GPSM1: variants seen among roughly 807,000 people sequenced by gnomAD.
GPSM1 encodes G protein signaling modulator 1.
In GPSM1, 48 loss-of-function variants were observed where a neutral mutation model predicts 70.5. The ratio of observed to expected loss-of-function variants is 0.68; its 90% CI spans 0.54 to 0.87. The LOEUF is 0.87. GPSM1 is among the 40% of genes least tolerant of loss of function. The pLI is 0.00. For synonymous variants in GPSM1, 416 were observed against 430.1 expected, an observed-to-expected ratio of 0.97 and a Z score of 0.41; for missense variants, 981 against 972.6, an observed-to-expected ratio of 1.01 and a Z score of -0.11.
intron 11 of GPSM1, among the ~76,000 whole-genome samples, chr9:136,350,333 C>T (rs913408787): frequency 1.2e-3 from 178 of 152,228 alleles, no homozygotes; most frequent in African/African-American, 4.0e-3. Flanking sequence ...GAGGGGTGGA[C>T]GAGGCCAACA....
intron 13 of GPSM1, 122 bp from the exon 14 acceptor site, chr9:136,357,892 C>G: frequency 1.4e-6 from 1 of 722,632 alleles, no homozygotes; most frequent in East Asian, 2.9e-5. Context: ...AACCAATTTC[C>G]TGGGTGGACA....
chr9:136,329,840 C>T (rs1370975399), intron 1 of GPSM1, among the ~76,000 whole-genome samples: 1 of 150,320 alleles, frequency 6.7e-6, no homozygotes, highest in African/African-American at 2.5e-5. Flanking sequence ...GGGGACGGGG[C>T]CCTGGGTGCT....
rs1484772036 is a variant in GPSM1 at position 136,342,224 on chromosome 9, G to T, written c.1207+1231G>T. ...GGGGAGCTCTGCCGAGAGCTCCTGC[G>T]GCACCCCTAGTACCCTCCTGTGTCC... On this transcript the variant is annotated intron_variant, in intron 9 of 13. Coordinates refer to ENST00000440944, the MANE Select transcript of GPSM1 (RefSeq NM_001145638.3). This position sits in a 1 kb window ranked among gnomAD's most constrained non-coding sequence, Gnocchi z 5.5. Among the ~76,000 whole-genome samples the T allele has an allele frequency of 6.6e-6, 1 of 152,198 alleles. No homozygotes were observed. Among genetic ancestry groups the T allele is most frequent in the Non-Finnish European group, 1.5e-5 (1 of 67,992 alleles).
Position 136,340,419 on chromosome 9 carries a change from C to T in GPSM1, c.1084-451C>T, listed in dbSNP as rs1263762842. ...CTACAGCCTCCAGGGCCTTCCAGGG[C>T]TCCATGTGGCCCTCCCCCCAACCCC... On this transcript the variant is annotated intron_variant, in intron 8 of 13. Coordinates refer to ENST00000440944, the MANE Select transcript of GPSM1 (RefSeq NM_001145638.3). This position sits in a 1 kb window ranked among gnomAD's most constrained non-coding sequence, Gnocchi z 7.3. Among the ~76,000 whole-genome samples the T allele has an allele frequency of 1.3e-5, 2 of 151,978 alleles. No homozygotes were observed. Among genetic ancestry groups the T allele is most frequent in the African/African-American group, 4.8e-5 (2 of 41,382 alleles).
chr9:136,333,799 C>A (rs1237507079), intron 1 of GPSM1, among the ~76,000 whole-genome samples: 8 of 152,266 alleles, frequency 5.3e-5, no homozygotes, highest in African/African-American at 1.9e-4. Flanking sequence ...GGGTGGGGGA[C>A]CAGGAGGAGA....
rs1832939321 is a variant in GPSM1 at position 136,359,465 on chromosome 9, T to C, written c.*1245T>C. ...GCCCGAACACAGGGTCTCCAGGACG[T>C]AGCGCCCCCCCGCATACTTGAATGT... On this transcript the variant is annotated 3_prime_UTR_variant, in exon 14 of 14. Coordinates refer to ENST00000440944, the MANE Select transcript of GPSM1 (RefSeq NM_001145638.3). 1 of 152,282 alleles carries C rather than the reference T, an allele frequency of 6.6e-6. No individual in the cohort carries two copies. The highest frequency in any genetic ancestry group is 2.4e-5 in the African/African-American group (1 of 41,432). The allele number at this position is 152,282 out of a possible 1,614,324, so 9.4% of individuals were successfully genotyped here.
In GPSM1 at chr9:136,341,704, G is replaced by A; in HGVS notation, c.1207+711G>A. ...TGCCAGCCCCCGAGAAGGGATGCCT[G>A]CCTCCCAGAACGTACCTGGTGCCCC... On this transcript the variant is annotated intron_variant, in intron 9 of 13. Coordinates refer to ENST00000440944, the MANE Select transcript of GPSM1 (RefSeq NM_001145638.3). This position sits in a 1 kb window ranked among gnomAD's most constrained non-coding sequence, Gnocchi z 6.7. The A allele has an allele frequency of 1.0e-6, 1 of 992,290 alleles. No individual in the cohort carries two copies. The highest frequency in any genetic ancestry group is 4.6e-5 in the South Asian group (1 of 21,938). The allele number at this position is 992,290 out of a possible 1,614,324, so 61.5% of individuals were successfully genotyped here.
At position 136,327,640 on chromosome 9, in the gene GPSM1, G is replaced by A. The variant is rs528405359; in HGVS notation, c.-56G>A. On this transcript the variant is annotated 5_prime_UTR_variant, in exon 1 of 14. Transcript: ENST00000440944. ...GGGAGGACAGCAGGGCGGGCAGGGG[G>A]CGGACGGCCACGGCGCGGGGGGCGC... is the stretch of plus-strand genomic sequence containing the variant. The A allele has an allele frequency of 7.6e-3, 3,609 of 472,620 alleles. 119 individuals are homozygous for A. The highest frequency in any genetic ancestry group is 0.069 in the African/African-American group (3,284 of 47,708). 29.3% of individuals were successfully genotyped at this position (472,620 alleles called of 1,614,324 possible).
rs375726077 is a variant in GPSM1 at position 136,349,688 on chromosome 9, C to T, written c.1380C>T (p.Asp460=). The part of the protein sequence containing the change: ...VRSRKYQEGP[D]AERRPREGSH... Reference sequence around the variant, plus strand: ...GCAGGAAGTACCAGGAAGGCCCGGACGCTGAGAGGAGGCCCCGGGAGGGCA... The same window carrying T: ...GCAGGAAGTACCAGGAAGGCCCGGATGCTGAGAGGAGGCCCCGGGAGGGCA... The change falls in exon 11 of 14, where the codon GAC becomes GAT. Residue 460 remains aspartate, a synonymous_variant. Transcript: ENST00000440944. The T allele has an allele frequency of 1.9e-4, 292 of 1,560,234 alleles. No individual in the cohort carries two copies. Among genetic ancestry groups the T allele is most frequent in the Non-Finnish European group, 2.1e-4 (241 of 1,152,524 alleles).
At chr9:136,345,323 C>T (rs1254133149) in intron 9 of GPSM1, among the ~76,000 whole-genome samples, 11 of 152,166 alleles carry the variant, frequency 7.2e-5, no homozygotes, top group Admixed American at 3.9e-4. Flanking sequence ...CCCTCGCAGG[C>T]GGGAGAGACA....
At chr9:136,351,581 A>G (rs1832663616) in intron 11 of GPSM1, among the ~76,000 whole-genome samples, 1 of 151,952 alleles carries the variant, frequency 6.6e-6, no homozygotes, top group African/African-American at 2.4e-5. Context: ...TCACCCCAAC[A>G]AACTGCCCTG....
intron 13 of GPSM1, among the ~76,000 whole-genome samples, chr9:136,357,231 G>A (rs769787904): frequency 3.3e-5 from 5 of 152,210 alleles, no homozygotes. Context: ...CTGGGAAGGG[G>A]TTCAGGGTCC....
In GPSM1 at chr9:136,343,062, C is replaced by A. The variant is rs1425426704; in HGVS notation, c.1207+2069C>A. Among the ~76,000 whole-genome samples the A allele has an allele frequency of 6.6e-6, 1 of 152,104 alleles. No homozygotes were observed. The highest frequency in any genetic ancestry group is 1.5e-5 in the Non-Finnish European group (1 of 67,994). On this transcript the variant is annotated intron_variant, in intron 9 of 13. Transcript: ENST00000440944. The surrounding 1 kb of genome is among the most constrained non-coding windows in gnomAD (Gnocchi z 6.0). ...CGCGGCTCAGTCAGCGTATTAATCT[C>A]ACCGCCCTCTGCTGGCCCCTCCCCA...
chr9:136,341,449 G>A lies in GPSM1; in HGVS notation c.1207+456G>A, dbSNP rs1554770295. 1.2e-5 allele frequency: 17 copies of A among 1,373,368 alleles called. No individual in the cohort carries two copies. Among genetic ancestry groups the A allele is most frequent in the African/African-American group, 1.0e-4 (7 of 67,702 alleles). 85.1% of individuals were successfully genotyped at this position (1,373,368 alleles called of 1,614,324 possible). A position where few individuals can be genotyped will look rare whatever the true frequency, so the allele number is the denominator to read the frequency against. ...AATCAGGCAAGGCCCAAGGCCATGC[G>A]AGGCCACCGTGGTGACCTCATTCAT... On this transcript the variant is annotated intron_variant, in intron 9 of 13. Coordinates refer to ENST00000440944, the MANE Select transcript of GPSM1 (RefSeq NM_001145638.3). This position sits in a 1 kb window ranked among gnomAD's most constrained non-coding sequence, Gnocchi z 6.7.
In GPSM1 at chr9:136,352,113, G is replaced by GCGCCGCTGCTGTTGGTGACGCCAATA. The variant is rs1564355165; in HGVS notation, c.1455+2351_1455+2352insGCCGCTGCTGTTGGTGACGCCAATAC. Among the ~76,000 whole-genome samples, 8 of 83,570 alleles carry GCGCCGCTGCTGTTGGTGACGCCAATA rather than the reference G, an allele frequency of 9.6e-5. 4 individuals are homozygous for GCGCCGCTGCTGTTGGTGACGCCAATA. The highest frequency in any genetic ancestry group is 2.1e-4 in the Non-Finnish European group (8 of 37,520). 54.8% of individuals were successfully genotyped at this position (83,570 alleles called of 152,430 possible). On this transcript the variant is annotated intron_variant, in intron 11 of 13. Coordinates refer to ENST00000440944, the MANE Select transcript of GPSM1 (RefSeq NM_001145638.3). ...CGCCGTTGCTGTTGGTGACACCAAT[G>GCGCCGCTGCTGTTGGTGACGCCAATA]CTGCGCCGTTGCTGTTGGTGACACC...
At chr9:136,348,626 G>C in intron 9 of GPSM1, 71 bp from the exon 10 acceptor site, 3 of 1,199,438 alleles carry the variant, frequency 2.5e-6, no homozygotes, top group Non-Finnish European at 3.6e-6. Context: ...GCCCCCCAGA[G>C]ACTCTGGCCT....
At chr9:136,328,877 GCTGAT>G (rs1564338558) in intron 1 of GPSM1, among the ~76,000 whole-genome samples, 2 of 152,234 alleles carry the variant, frequency 1.3e-5, no homozygotes, top group African/African-American at 4.8e-5. Context: ...GGTTTCCTCC[GCTGAT>G]CTGATCGGCT....
chr9:136,340,940 T>C lies in GPSM1; in HGVS notation c.1154T>C (p.Leu385Pro). The C allele has an allele frequency of 4.5e-6, 7 of 1,565,758 alleles. No individual in the cohort carries two copies. Among genetic ancestry groups the C allele is most frequent in the Middle Eastern group, 1.8e-4 (1 of 5,666 alleles). Residue 385 changes from leucine to proline, a missense_variant, in exon 9 of 14, where the codon CTG becomes CCG. Coordinates refer to ENST00000440944, the MANE Select transcript of GPSM1 (RefSeq NM_001145638.3). This position sits in a 1 kb window ranked among gnomAD's most constrained non-coding sequence, Gnocchi z 7.3. ...CAGCTGCAGCTGGTGCTCGGCCGCC[T>C]GACCAGCCCGGCAGCCTCAGAGAAG... ...VAQLQLVLGRLTSPAASEKPD... is the reference protein window; with the variant it reads ...VAQLQLVLGRPTSPAASEKPD...
chr9:136,328,286 C>T (rs1263930411), intron 1 of GPSM1, among the ~76,000 whole-genome samples: 4 of 152,216 alleles, frequency 2.6e-5, no homozygotes, highest in African/African-American at 4.8e-5. Context: ...GGCTCTGTGC[C>T]CCACGCCTTT....
Sources: gnomAD v4.1 joint callset for allele counts (sites outside exome capture counted in the v4.1 genomes callset) on GRCh38, gnomAD v4.1.1 for gene constraint, Gnocchi (gnomAD v3.1) non-coding constraint, MANE v1.5 for transcripts, NCBI Gene and HGNC (gene_info 2026-07-23, HGNC 2026-07-21) for gene names.